The following SLC24A2 variants were observed in gnomAD, a reference collection of about 807,000 sequenced individuals.
The protein encoded by SLC24A2 is solute carrier family 24 member 2, also known as sodium/potassium/calcium exchanger 2.
In SLC24A2, 36 loss-of-function variants were observed where a neutral mutation model predicts 62.0. That is an observed-to-expected ratio of 0.58 (90% CI 0.44 to 0.77). The LOEUF is 0.77. SLC24A2 is among the 30% of genes least tolerant of loss of function. SLC24A2 has a pLI of 0.00. For missense variants in SLC24A2, 846 were observed against 817.9 expected (o/e 1.03, Z -0.42); for synonymous variants, 358 against 294.0 (o/e 1.22, Z -2.23).
chr9:19,595,500 T>C (rs991400618), intron 5 of SLC24A2, among the ~76,000 whole-genome samples: 1 of 152,210 alleles, frequency 6.6e-6, no homozygotes, highest in Non-Finnish European at 1.5e-5. Context: ...CAAACACAAT[T>C]TGACAGTTTT....
chr9:20,301,017 C>T, the SLC24A2 span, among the ~76,000 whole-genome samples: 2 of 152,168 alleles, frequency 1.3e-5, no homozygotes, highest in East Asian at 1.9e-4. Flanking sequence ...AGGAAAACCA[C>T]AAGAAAGGTC....
chr9:20,119,778 T>C, the SLC24A2 span, among the ~76,000 whole-genome samples: 8 of 152,272 alleles, frequency 5.3e-5, no homozygotes, highest in East Asian at 1.3e-3. Context: ...ATCAAAAAAG[T>C]AATAGTCATA....
intron 8 of SLC24A2, among the ~76,000 whole-genome samples, chr9:19,549,722 C>A (rs1361711104): frequency 6.6e-6 from 1 of 152,216 alleles, no homozygotes; most frequent in East Asian, 1.9e-4. Context: ...ATACACATAA[C>A]CCTTCAAGTC....
At chr9:19,609,408 G>C (rs1434944478) in intron 4 of SLC24A2, among the ~76,000 whole-genome samples, 1 of 152,214 alleles carries the variant, frequency 6.6e-6, no homozygotes, top group Non-Finnish European at 1.5e-5. Flanking sequence ...CTCTTCACCA[G>C]CCTCCTGAAT....
chr9:19,528,117 T>C lies in SLC24A2; in HGVS notation c.1501A>G (p.Ile501Val). The stretch of plus-strand genomic sequence containing the variant: ...CAGGTAATGGAGCCAAAGAACGTGA[T>C]GGGAAAAAACTTCCTCGATGACTGA... ...RKPSSRKFFP[I>V]TFFGSITWIA... Residue 501 changes from isoleucine (I) to valine (V), a missense_variant, in exon 9 of 11, where the codon ATC becomes GTC. By Grantham distance (29) the Ile-to-Val change is conservative (BLOSUM62 3). Transcript: ENST00000341998. 6.3e-7 allele frequency: 1 copy of C among 1,593,392 alleles called. No homozygotes were observed. Among genetic ancestry groups the C allele is most frequent in the Non-Finnish European group, 8.6e-7 (1 of 1,168,998 alleles).
At chr9:19,641,070 C>A (rs187958299) in intron 2 of SLC24A2, among the ~76,000 whole-genome samples, 1 of 152,180 alleles carries the variant, frequency 6.6e-6, no homozygotes, top group African/African-American at 2.4e-5. Context: ...GAGGCTGATG[C>A]GTCAGTCTAG....
chr9:19,918,681 A>G, the SLC24A2 span, among the ~76,000 whole-genome samples: 1 of 152,166 alleles, frequency 6.6e-6, no homozygotes, highest in Non-Finnish European at 1.5e-5. Flanking sequence ...TCCCAGTGAG[A>G]GTCATCTTAA....
the SLC24A2 span, among the ~76,000 whole-genome samples, chr9:20,088,068 A>G: frequency 6.6e-6 from 1 of 152,222 alleles, no homozygotes; most frequent in Non-Finnish European, 1.5e-5. Context: ...TTAGGTTCAC[A>G]TGGAACCACA....
chr9:19,729,622 A>T (rs1165085671), intron 2 of SLC24A2, among the ~76,000 whole-genome samples: 1 of 152,196 alleles, frequency 6.6e-6, no homozygotes, highest in African/African-American at 2.4e-5. Flanking sequence ...AAAGTTAAAC[A>T]GCACATGTTC....
chr9:19,742,160 C>G (rs193006789), intron 2 of SLC24A2, among the ~76,000 whole-genome samples: 28 of 152,244 alleles, frequency 1.8e-4, no homozygotes, highest in African/African-American at 6.3e-4. Context: ...ATGTCATAAG[C>G]ATATGAAAGC....
At chr9:19,561,623 A>G (rs1835408750) in intron 7 of SLC24A2, among the ~76,000 whole-genome samples, 1 of 151,322 alleles carries the variant, frequency 6.6e-6, no homozygotes, top group Admixed American at 6.6e-5. Context: ...TTTAGTAGAG[A>G]TGGGATTTCA....
chr9:20,220,024 A>C, the SLC24A2 span, among the ~76,000 whole-genome samples: 2 of 152,162 alleles, frequency 1.3e-5, no homozygotes, highest in Non-Finnish European at 2.9e-5. Flanking sequence ...CATGCTATAT[A>C]AGTGTAATTT....
chr9:19,528,670 T>C (rs1437194522), intron 8 of SLC24A2, among the ~76,000 whole-genome samples: 2 of 152,122 alleles, frequency 1.3e-5, no homozygotes, highest in African/African-American at 4.8e-5. Flanking sequence ...CCACAAATTA[T>C]CAAGAAAGTC....
chr9:19,559,871 C>T (rs777864082), intron 7 of SLC24A2, among the ~76,000 whole-genome samples: 1 of 152,126 alleles, frequency 6.6e-6, no homozygotes, highest in Non-Finnish European at 1.5e-5. Flanking sequence ...CAATGGACTA[C>T]AAAAATAGAA....
the SLC24A2 span, among the ~76,000 whole-genome samples, chr9:20,024,106 T>C: frequency 4.6e-5 from 7 of 152,226 alleles, no homozygotes; most frequent in African/African-American, 1.7e-4. Context: ...CAGAGTGGAA[T>C]CACAGTCCTT....
chr9:20,225,983 G>A, the SLC24A2 span, among the ~76,000 whole-genome samples: 1 of 152,042 alleles, frequency 6.6e-6, no homozygotes, highest in African/African-American at 2.4e-5. Flanking sequence ...GAAAGTGAAA[G>A]TGAAGGAAGG....
chr9:20,230,373 C>T, the SLC24A2 span, among the ~76,000 whole-genome samples: 84,200 of 151,914 alleles, frequency 0.55, 25,973 homozygotes, highest in East Asian at 0.89. Flanking sequence ...GTTCCTATTT[C>T]TCCACATCCT....
At chr9:20,208,974 G>A in the SLC24A2 span, among the ~76,000 whole-genome samples, 8 of 152,280 alleles carry the variant, frequency 5.3e-5, no homozygotes, top group East Asian at 9.6e-4. Context: ...TCAAACTACG[G>A]CTCAACTGCT....
chr9:20,265,335 G>T, the SLC24A2 span, among the ~76,000 whole-genome samples: 1 of 152,192 alleles, frequency 6.6e-6, no homozygotes, highest in Non-Finnish European at 1.5e-5. Flanking sequence ...CGGGAAGTCA[G>T]GGACCCCAAA....
Sources: gnomAD v4.1 joint callset for allele counts (sites outside exome capture counted in the v4.1 genomes callset) on GRCh38, gnomAD v4.1.1 for gene constraint, MANE v1.5 for transcripts, NCBI Gene and HGNC (gene_info 2026-07-23, HGNC 2026-07-21) for gene names.